RANBP2: variants seen among roughly 807,000 people sequenced by gnomAD.
RANBP2 encodes the protein RAN binding protein 2.
Under a neutral mutation model 303.6 loss-of-function variants are expected in RANBP2, and 57 were observed. The ratio of observed to expected loss-of-function variants is 0.19; its 90% CI spans 0.15 to 0.23. The LOEUF (loss-of-function observed/expected upper bound fraction) is 0.23. Ranked by LOEUF, RANBP2 falls within the 10% of genes least tolerant of loss-of-function variation. RANBP2 has a pLI of 1.00. For synonymous variants in RANBP2, 1,167 were observed against 1,301.5 expected, an observed-to-expected ratio of 0.90 and a Z score of 2.23; for missense variants, 3,138 against 3,780.8, an observed-to-expected ratio of 0.83 and a Z score of 4.46.
chr2:109,296,826 T>C, the RANBP2 span, among the ~76,000 whole-genome samples: 1,222 of 152,322 alleles, frequency 8.0e-3, 12 homozygotes, highest in East Asian at 0.037. Flanking sequence ...GCAGAGCTGC[T>C]GCCAGTGGCC....
At chr2:109,411,156 C>T in the RANBP2 span, among the ~76,000 whole-genome samples, 1 of 152,222 alleles carries the variant, frequency 6.6e-6, no homozygotes, top group Non-Finnish European at 1.5e-5. Flanking sequence ...GTGTCACAGT[C>T]AGCAACTCTC....
At chr2:108,779,999 G>A (rs940214922) in intron 25 of RANBP2, among the ~76,000 whole-genome samples, 7 of 152,080 alleles carry the variant, frequency 4.6e-5, no homozygotes, top group Admixed American at 3.9e-4. Flanking sequence ...AAATTTCAAG[G>A]TGGGTACTTG....
At chr2:109,683,239 C>T in the RANBP2 span, among the ~76,000 whole-genome samples, 2 of 152,288 alleles carry the variant, frequency 1.3e-5, no homozygotes, top group Non-Finnish European at 2.9e-5. Context: ...CTCCTGACCT[C>T]AGGTGGTCCG....
chr2:109,299,739 C>T, the RANBP2 span, among the ~76,000 whole-genome samples: 1 of 152,180 alleles, frequency 6.6e-6, no homozygotes, highest in Non-Finnish European at 1.5e-5. Context: ...TCAAGCAAGG[C>T]TTTTCTTTCA....
At chr2:109,091,214 A>T in the RANBP2 span, among the ~76,000 whole-genome samples, 7 of 152,126 alleles carry the variant, frequency 4.6e-5, no homozygotes, top group Admixed American at 3.3e-4. Context: ...TGGACAACAG[A>T]GCAAGATTCT....
At chr2:109,329,047 C>T in the RANBP2 span, among the ~76,000 whole-genome samples, 12 of 152,146 alleles carry the variant, frequency 7.9e-5, no homozygotes, top group Admixed American at 2.6e-4. Context: ...CATCTTAGTC[C>T]AGTGGCCTGG....
chr2:109,349,095 C>T, the RANBP2 span, among the ~76,000 whole-genome samples: 5 of 152,266 alleles, frequency 3.3e-5, no homozygotes, highest in East Asian at 7.7e-4. Context: ...CGAATCTCTG[C>T]TTCTAAAGCC....
chr2:108,874,879 A>G, the RANBP2 span, among the ~76,000 whole-genome samples: 6 of 151,986 alleles, frequency 3.9e-5, no homozygotes, highest in African/African-American at 1.4e-4. Flanking sequence ...AGCTGCAATA[A>G]CATTACTTAG....
chr2:109,687,910 AT>A, the RANBP2 span, among the ~76,000 whole-genome samples: 1 of 151,968 alleles, frequency 6.6e-6, no homozygotes, highest in African/African-American at 2.4e-5. Flanking sequence ...TGTCCAGTTA[AT>A]TTTTCTGTAT....
chr2:109,428,456 C>T, the RANBP2 span, among the ~76,000 whole-genome samples: 14 of 152,350 alleles, frequency 9.2e-5, no homozygotes, highest in South Asian at 1.7e-3. Flanking sequence ...CTGGGTCAGC[C>T]GAGTCGGCCC....
At chr2:109,115,589 G>T in the RANBP2 span, among the ~76,000 whole-genome samples, 118 of 152,256 alleles carry the variant, frequency 7.8e-4, no homozygotes, top group African/African-American at 2.7e-3. Flanking sequence ...TATCCAATTT[G>T]CCAGTCTGTG....
At chr2:109,221,537 G>A in the RANBP2 span, among the ~76,000 whole-genome samples, 3 of 148,628 alleles carry the variant, frequency 2.0e-5, no homozygotes, top group African/African-American at 5.0e-5. Context: ...AGCCGCGATC[G>A]CGCCAGTGCA....
At chr2:109,248,823 CTT>C in the RANBP2 span, among the ~76,000 whole-genome samples, 14 of 150,484 alleles carry the variant, frequency 9.3e-5, no homozygotes, top group East Asian at 1.6e-3. Flanking sequence ...CGTTTTCTCT[CTT>C]TCTCTCTTTT....
At chr2:109,675,711 GA>G in the RANBP2 span, among the ~76,000 whole-genome samples, 1 of 152,074 alleles carries the variant, frequency 6.6e-6, no homozygotes, top group African/African-American at 2.4e-5. Flanking sequence ...AAAAGACAAA[GA>G]AAAAAAGAAA....
At chr2:109,530,446 A>G in the RANBP2 span, among the ~76,000 whole-genome samples, 1 of 152,248 alleles carries the variant, frequency 6.6e-6, no homozygotes. Context: ...TGTGCAGATT[A>G]CTAAATGAAG....
chr2:109,727,628 G>A, the RANBP2 span, among the ~76,000 whole-genome samples: 1 of 152,136 alleles, frequency 6.6e-6, no homozygotes, highest in African/African-American at 2.4e-5. Flanking sequence ...AGTCAGTGAT[G>A]GCCACCCCTC....
At chr2:109,010,089 A>AT in the RANBP2 span, among the ~76,000 whole-genome samples, 1 of 152,176 alleles carries the variant, frequency 6.6e-6, no homozygotes, top group Non-Finnish European at 1.5e-5. Flanking sequence ...GTTAAAAAAA[A>AT]TTTTATGTAT....
At chr2:108,927,340 G>A in the RANBP2 span, among the ~76,000 whole-genome samples, 1 of 152,166 alleles carries the variant, frequency 6.6e-6, no homozygotes, top group African/African-American at 2.4e-5. Context: ...ATGTTTAAAA[G>A]CCCAGAGAGC....
the RANBP2 span, among the ~76,000 whole-genome samples, chr2:109,114,190 G>A: frequency 6.6e-6 from 1 of 152,126 alleles, no homozygotes; most frequent in Admixed American, 6.6e-5. Flanking sequence ...CTATTGATTG[G>A]AATAGTTTCA....
Sources: gnomAD v4.1 joint callset for allele counts (sites outside exome capture counted in the v4.1 genomes callset) on GRCh38, gnomAD v4.1.1 for gene constraint, MANE v1.5 for transcripts, NCBI Gene and HGNC (gene_info 2026-07-23, HGNC 2026-07-21) for gene names.